Variants in ADRA1A observed in about 807,000 individuals in gnomAD.
ADRA1A encodes alpha-1A adrenergic receptor.
In ADRA1A, 31 loss-of-function variants were observed where a neutral mutation model predicts 29.6. That is an observed-to-expected ratio of 1.05 (90% confidence interval 0.79 to 1.41). The LOEUF is 1.41. Among genes scored for constraint, ADRA1A ranks in the 40% most tolerant of loss-of-function variants. ADRA1A has a pLI of 0.00. For synonymous variants in ADRA1A, 311 were observed against 254.3 expected (o/e 1.22, Z -2.12); for missense variants, 619 against 601.1 (o/e 1.03, Z -0.31).
chr8:26,769,107 A>C lies in ADRA1A; in HGVS notation c.*1042T>G. ...ACAGGTGAAGCTCATTCATTATGCA[A>C]TAGTGAAGCAGATAAGAAGTAATGG... On this transcript the variant is annotated 3_prime_UTR_variant, in exon 3 of 3. Transcript: ENST00000380573. The C allele has an allele frequency of 1.0e-6, 1 of 985,418 alleles. No homozygotes were observed. Among genetic ancestry groups the C allele is most frequent in the East Asian group, 1.1e-4 (1 of 8,814 alleles). 61.0% of individuals were successfully genotyped at this position (985,418 alleles called of 1,614,324 possible). A position where few individuals can be genotyped will look rare whatever the true frequency, so the allele number is the denominator to read the frequency against.
intron 2 of ADRA1A, chr8:26,757,120 G>A: frequency 1.4e-6 from 1 of 702,546 alleles, no homozygotes; most frequent in Non-Finnish European, 2.6e-6. Context: ...AAATCCAGAA[G>A]ACTGAAATAG....
chr8:26,792,718 G>A (rs953216473), intron 2 of ADRA1A, among the ~76,000 whole-genome samples: 25 of 147,310 alleles, frequency 1.7e-4, no homozygotes, highest in Non-Finnish European at 2.8e-4. Context: ...CTGGCACATA[G>A]TAAGGTCATA....
intron 2 of ADRA1A, among the ~76,000 whole-genome samples, chr8:26,759,411 G>A (rs1805380741): frequency 6.6e-6 from 1 of 152,106 alleles, no homozygotes; most frequent in African/African-American, 2.4e-5. Context: ...GCAATGGATT[G>A]TTATTTAAAT....
intron 2 of ADRA1A, among the ~76,000 whole-genome samples, chr8:26,837,252 A>G (rs1811446599): frequency 6.6e-6 from 1 of 152,176 alleles, no homozygotes; most frequent in Non-Finnish European, 1.5e-5. Context: ...GACATTGATT[A>G]TGTGGGATAA....
At chr8:26,839,960 A>G (rs1041226887) in intron 2 of ADRA1A, among the ~76,000 whole-genome samples, 2 of 152,122 alleles carry the variant, frequency 1.3e-5, no homozygotes, top group African/African-American at 4.8e-5. Context: ...TCTATAGGAG[A>G]CACCTTTGTA....
chr8:26,834,966 T>A (rs1274622842), intron 2 of ADRA1A, among the ~76,000 whole-genome samples: 2 of 152,226 alleles, frequency 1.3e-5, no homozygotes, highest in Non-Finnish European at 2.9e-5. Context: ...TGCACCATGA[T>A]GTTTTTTAAG....
intron 2 of ADRA1A, among the ~76,000 whole-genome samples, chr8:26,845,151 G>A (rs961744443): frequency 2.0e-5 from 3 of 151,942 alleles, no homozygotes; most frequent in Non-Finnish European, 4.4e-5. Context: ...GAATGTGAAA[G>A]GGCAACCCAC....
rs1810194124 is a variant in ADRA1A at position 26,821,816 on chromosome 8, A to G, written c.883+42271T>C. On this transcript the variant is annotated intron_variant, in intron 2 of 2. Transcript: ENST00000380573. This position sits in a 1 kb window ranked among gnomAD's most constrained non-coding sequence, Gnocchi z 5.6. ...TGTTCTCTATTTCTATAATTTTGTC[A>G]TTTCAAGAATGTTATGTAAATAGAG... Among the ~76,000 whole-genome samples the G allele has an allele frequency of 6.6e-6, 1 of 152,132 alleles. No individual in the cohort carries two copies. Among genetic ancestry groups the G allele is most frequent in the Non-Finnish European group, 1.5e-5 (1 of 68,018 alleles).
chr8:26,757,022 C>G, intron 2 of ADRA1A: 2 of 711,210 alleles, frequency 2.8e-6, no homozygotes, highest in Non-Finnish European at 2.5e-6. Flanking sequence ...TGCTTTTGGT[C>G]TTCTTTCTCC....
At chr8:26,765,178 C>G (rs907403703), downstream of ADRA1A, among the ~76,000 whole-genome samples, 1 of 152,176 alleles carries the variant, frequency 6.6e-6, no homozygotes, top group African/African-American at 2.4e-5. Context: ...CACAACCTTC[C>G]TTTTAGGTGG....
rs114769027 is a variant in ADRA1A, at chr8:26,799,517, G to T, written c.884-28851C>A. ...TCAAATATACCCAGTGCCAGCACAG[G>T]GTAATTGCCTACAAGAATACCAGTA... is the stretch of plus-strand genomic sequence containing the variant. On this transcript the variant is annotated intron_variant, in intron 2 of 2. Transcript: ENST00000380573. Among the ~76,000 whole-genome samples, 154 of 152,288 alleles carry T rather than the reference G, an allele frequency of 1.0e-3. 1 individual carries two copies. The Middle Eastern group carries it at 0.01, about 10-fold the overall frequency.
chr8:26,824,369 A>C (rs978256022), intron 2 of ADRA1A, among the ~76,000 whole-genome samples: 2 of 152,094 alleles, frequency 1.3e-5, no homozygotes, highest in East Asian at 1.9e-4. Context: ...GCCCTGTTGC[A>C]TGCCCGCCGG....
At position 26,865,773 on chromosome 8, in the gene ADRA1A, A is replaced by G. The variant is rs111375480; in HGVS notation, c.-686-118T>C. ...GAGCCGGGTTGGTTCTGCGGTCCAG[A>G]AGCTGCTTCGCCCGGCAGCGGTGGA... On this transcript the variant is annotated intron_variant, in intron 1 of 2. Transcript: ENST00000380573. This position sits in a 1 kb window ranked among gnomAD's most constrained non-coding sequence, Gnocchi z 7.6. The G allele has an allele frequency of 1.1e-5, 10 of 945,552 alleles. No homozygotes were observed. The African/African-American group carries it at 1.8e-4, about 17-fold the overall frequency. The allele number at this position is 945,552 out of a possible 1,614,324, so 58.6% of individuals were successfully genotyped here.
intron 2 of ADRA1A, among the ~76,000 whole-genome samples, chr8:26,842,995 G>A (rs1188246081): frequency 6.6e-6 from 1 of 151,606 alleles, no homozygotes; most frequent in African/African-American, 2.4e-5. Context: ...TCCGCTATTG[G>A]CTTTTCAAAT....
At chr8:26,751,377 T>A (rs1187926694) in intron 2 of ADRA1A, among the ~76,000 whole-genome samples, 3 of 152,248 alleles carry the variant, frequency 2.0e-5, no homozygotes, top group African/African-American at 7.2e-5. Flanking sequence ...AGGCAATTTG[T>A]ATTTATAAAC....
intron 2 of ADRA1A, among the ~76,000 whole-genome samples, chr8:26,834,970 T>C (rs551910070): frequency 6.6e-6 from 1 of 152,346 alleles, no homozygotes; most frequent in East Asian, 1.9e-4. Flanking sequence ...CCATGATGTT[T>C]TTTAAGTGTA....
At chr8:26,819,353 A>C (rs1809988137) in intron 2 of ADRA1A, among the ~76,000 whole-genome samples, 1 of 151,098 alleles carries the variant, frequency 6.6e-6, no homozygotes, top group African/African-American at 2.4e-5. Flanking sequence ...ATTTAAAATC[A>C]TATGAAAATA....
intron 2 of ADRA1A, among the ~76,000 whole-genome samples, chr8:26,824,387 C>A (rs991046539): frequency 6.6e-6 from 1 of 152,006 alleles, no homozygotes; most frequent in Non-Finnish European, 1.5e-5. Context: ...CGGGAAGCCA[C>A]GGTCAAGGCA....
chr8:26,829,964 G>C (rs1177509327), intron 2 of ADRA1A, among the ~76,000 whole-genome samples: 1 of 151,452 alleles, frequency 6.6e-6, no homozygotes, highest in African/African-American at 2.4e-5. Context: ...TGTCTGGGGG[G>C]TGGGGGTGGG....
Sources: gnomAD v4.1 joint callset for allele counts (sites outside exome capture counted in the v4.1 genomes callset) on GRCh38, gnomAD v4.1.1 for gene constraint, Gnocchi (gnomAD v3.1) non-coding constraint, MANE v1.5 for transcripts, NCBI Gene and HGNC (gene_info 2026-07-23, HGNC 2026-07-21) for gene names.